MYO16: variants seen among roughly 807,000 people sequenced by gnomAD.
MYO16 encodes myosin XVI, also known as unconventional myosin-XVI.
A neutral mutation model predicts 205.3 loss-of-function variants in MYO16; 94 were observed. The observed-to-expected ratio is 0.46, with a 90% CI of 0.39 to 0.54. The LOEUF (loss-of-function observed/expected upper bound fraction) is 0.54, where lower values mean the gene tolerates loss of function less well. Among genes scored for constraint, MYO16 ranks in the 20% least tolerant of loss-of-function variants. The pLI is 0.00. For synonymous variants in MYO16, 988 were observed against 954.0 expected, an observed-to-expected ratio of 1.04 and a Z score of -0.66; for missense variants, 2,315 against 2,387.5, an observed-to-expected ratio of 0.97 and a Z score of 0.63.
intron 32 of MYO16, among the ~76,000 whole-genome samples, chr13:109,150,742 TA>T (rs1172325852): frequency 6.6e-6 from 1 of 152,370 alleles, no homozygotes; most frequent in East Asian, 1.9e-4. Context: ...TTCTCTTTCA[TA>T]ACCAGTAAAT....
chr13:109,174,735 A>T (rs762197893), intron 33 of MYO16, among the ~76,000 whole-genome samples: 6 of 145,096 alleles, frequency 4.1e-5, no homozygotes, highest in Non-Finnish European at 7.5e-5. Flanking sequence ...TCTCTTTCTC[A>T]TTCTTGTCTT....
chr13:109,051,099 A>G lies in MYO16; in HGVS notation c.2873-1201A>G, dbSNP rs545676025. On this transcript the variant is annotated intron_variant, in intron 24 of 34. Coordinates refer to ENST00000457511, the MANE Select transcript of MYO16 (RefSeq NM_001198950.3). ...AACATTTAAGATGTAAGTATAGATA[A>G]CATATAGGTGTATAGATCTGTAACT... Among the ~76,000 whole-genome samples, 288 of 152,268 alleles carry G rather than the reference A, an allele frequency of 1.9e-3. 2 individuals carry two copies. The highest frequency in any genetic ancestry group is 6.8e-3 in the African/African-American group (283 of 41,550).
At chr13:108,823,505 T>G (rs1160444923) in intron 9 of MYO16, among the ~76,000 whole-genome samples, 1 of 152,196 alleles carries the variant, frequency 6.6e-6, no homozygotes, top group Non-Finnish European at 1.5e-5. Flanking sequence ...TAAATCAATT[T>G]CATGTGCCAT....
chr13:108,793,550 T>G lies in MYO16; in HGVS notation c.651T>G (p.Leu217=), dbSNP rs371336978. The G allele has an allele frequency of 3.7e-6, 6 of 1,613,962 alleles. No homozygotes were observed. The highest frequency in any genetic ancestry group is 5.1e-6 in the Non-Finnish European group (6 of 1,179,900). Residue 217 remains leucine (L), a synonymous_variant, in exon 6 of 35, where the codon CTT becomes CTG. Transcript: ENST00000457511. ...VDLTSLRQMK[L]QRPMSMLTDV... ...TGACCTCACTGCGCCAGATGAAGCT[T>G]CAGAGACCAATGAGTATGTTAACAG...
intron 4 of MYO16, among the ~76,000 whole-genome samples, chr13:108,747,305 T>G (rs1476729366): frequency 7.7e-6 from 1 of 130,204 alleles, no homozygotes; most frequent in African/African-American, 2.6e-5. Context: ...CATCTAAAAA[T>G]GTCTATTTAA....
At chr13:108,926,058 GCT>G (rs1423801470) in intron 16 of MYO16, among the ~76,000 whole-genome samples, 3 of 152,284 alleles carry the variant, frequency 2.0e-5, no homozygotes, top group Admixed American at 2.0e-4. Flanking sequence ...AGAGCCGCGT[GCT>G]CCATGGCTCG....
intron 1 of MYO16, among the ~76,000 whole-genome samples, chr13:108,634,391 T>G (rs1880129714): frequency 6.6e-6 from 1 of 152,124 alleles, no homozygotes; most frequent in South Asian, 2.1e-4. Flanking sequence ...CAAGCTTGCA[T>G]TTCCCTTCAG....
intron 27 of MYO16, among the ~76,000 whole-genome samples, chr13:109,091,292 G>A (rs980784973): frequency 2.6e-5 from 4 of 152,090 alleles, no homozygotes; most frequent in Non-Finnish European, 5.9e-5. Context: ...ATGATCTGGT[G>A]GAAAATGGAA....
chr13:108,898,256 A>G (rs977425012), intron 15 of MYO16, 123 bp downstream of exon 15: 17 of 759,442 alleles, frequency 2.2e-5, no homozygotes, highest in African/African-American at 1.7e-4. Flanking sequence ...CCTATTCTTC[A>G]TGACCGTGTC....
intron 4 of MYO16, among the ~76,000 whole-genome samples, chr13:108,744,608 A>G (rs1885004554): frequency 6.6e-6 from 1 of 152,198 alleles, no homozygotes; most frequent in African/African-American, 2.4e-5. Context: ...AGCCCTTCAA[A>G]TGGCCTTGGC....
At position 109,055,655 on chromosome 13, in the gene MYO16, A is replaced by C. The variant is rs540421198; in HGVS notation, c.3335+60A>C. ...CTGCTGTTCAGTGCAGTGTACTGACACTGACACTATTGTAGCAAGGGTCTT... is the reference window on the plus strand; with the variant it reads ...CTGCTGTTCAGTGCAGTGTACTGACCCTGACACTATTGTAGCAAGGGTCTT... On this transcript the variant is annotated intron_variant, in intron 27 of 34. Coordinates refer to ENST00000457511, the MANE Select transcript of MYO16 (RefSeq NM_001198950.3). This position sits in a 1 kb window ranked among gnomAD's most constrained non-coding sequence, Gnocchi z 5.0. The C allele has an allele frequency of 1.4e-6, 2 of 1,412,114 alleles. No individual in the cohort carries two copies. Among genetic ancestry groups the C allele is most frequent in the East Asian group, 4.6e-5 (2 of 43,852 alleles). The allele number at this position is 1,412,114 out of a possible 1,614,324, so 87.5% of individuals were successfully genotyped here.
intron 13 of MYO16, among the ~76,000 whole-genome samples, chr13:108,886,903 C>T (rs1023965308): frequency 2.0e-5 from 3 of 152,132 alleles, no homozygotes; most frequent in African/African-American, 7.2e-5. Context: ...TTTAGTGATT[C>T]TCTTTCTTCT....
intron 7 of MYO16, among the ~76,000 whole-genome samples, chr13:108,818,324 C>T (rs568530914): frequency 1.6e-4 from 24 of 150,614 alleles, no homozygotes; most frequent in South Asian, 2.1e-4. Context: ...AAGGCGGTTG[C>T]GGTGAGCCAA....
chr13:108,594,711 C>A (rs776130956), upstream of MYO16, among the ~76,000 whole-genome samples: 1 of 152,166 alleles, frequency 6.6e-6, no homozygotes, highest in Non-Finnish European at 1.5e-5. Flanking sequence ...TGTTGCAATT[C>A]CTGGAGCTGA....
In MYO16 at chr13:108,937,218, A is replaced by G. The variant is rs949598065; in HGVS notation, c.1926-20470A>G. On this transcript the variant is annotated intron_variant, in intron 16 of 34. Coordinates refer to ENST00000457511, the MANE Select transcript of MYO16 (RefSeq NM_001198950.3). The stretch of plus-strand genomic sequence containing the variant: ...TAAAGTTTCTGCTGAGAAGTCTGCC[A>G]TTAGCCTGATGGGGTTCCCCCTTTG... Among the ~76,000 whole-genome samples, 10 of 152,268 alleles carry G rather than the reference A, an allele frequency of 6.6e-5. No homozygotes were observed. In the East Asian group the frequency reaches 1.5e-3, roughly 23 times the overall value.
At chr13:108,603,970 A>G (rs1175986482) in intron 1 of MYO16, among the ~76,000 whole-genome samples, 1 of 152,188 alleles carries the variant, frequency 6.6e-6, no homozygotes, top group Non-Finnish European at 1.5e-5. Flanking sequence ...ATTGACTCAC[A>G]GTTCTGCTTG....
chr13:108,604,691 T>A (rs1357425713), intron 1 of MYO16, among the ~76,000 whole-genome samples: 1 of 152,224 alleles, frequency 6.6e-6, no homozygotes, highest in Non-Finnish European at 1.5e-5. Flanking sequence ...AATCCTTGAC[T>A]TTTTTTATTT....
At chr13:108,503,888 C>G in the MYO16 span, among the ~76,000 whole-genome samples, 1 of 151,950 alleles carries the variant, frequency 6.6e-6, no homozygotes, top group African/African-American at 2.4e-5. Flanking sequence ...TGAGAGTTTG[C>G]TTATCTATAA....
At chr13:109,167,309 A>G (rs1878715301) in intron 33 of MYO16, 1 of 152,206 alleles carries the variant, frequency 6.6e-6, no homozygotes, top group African/African-American at 2.4e-5. Flanking sequence ...TGAAGCCTGC[A>G]ATAAATAAGA....
Sources: gnomAD v4.1 joint callset for allele counts (sites outside exome capture counted in the v4.1 genomes callset) on GRCh38, gnomAD v4.1.1 for gene constraint, Gnocchi (gnomAD v3.1) non-coding constraint, MANE v1.5 for transcripts, NCBI Gene and HGNC (gene_info 2026-07-23, HGNC 2026-07-21) for gene names.